Variants in SPEF2 observed in about 807,000 individuals in gnomAD.
The protein encoded by SPEF2 is sperm flagellar and cilia associated 2.
Under a neutral mutation model 224.6 loss-of-function variants are expected in SPEF2, and 187 were observed. The ratio of observed to expected loss-of-function variants is 0.83; its 90% confidence interval spans 0.74 to 0.94. The LOEUF (loss-of-function observed/expected upper bound fraction) is 0.94, where lower values mean the gene tolerates loss of function less well. SPEF2 is among the 40% of genes least tolerant of loss of function. SPEF2 has a pLI of 0.00. For synonymous variants in SPEF2, 715 were observed against 707.3 expected, an observed-to-expected ratio of 1.01 and a Z score of -0.17; for missense variants, 2,170 against 2,135.6, an observed-to-expected ratio of 1.02 and a Z score of -0.32.
At chr5:35,650,584 T>C (rs992417123) in intron 6 of SPEF2, among the ~76,000 whole-genome samples, 6 of 152,308 alleles carry the variant, frequency 3.9e-5, no homozygotes, top group African/African-American at 1.4e-4. Flanking sequence ...CTACTTTCTG[T>C]AGCTCCCTGG....
In SPEF2 at chr5:35,691,231, T is replaced by G; in HGVS notation, c.1719T>G (p.Thr573=). The part of the protein sequence containing the change: ...CLLGKTLSGK[T]TILRSLQKDF... ...TGGGGAAAACATTAAGTGGAAAAAC[T>G]ACCATTTTAAGGTCTCTACAAAAAG... Residue 573 remains threonine (T), a synonymous_variant, in exon 11 of 37, where the codon ACT becomes ACG. Coordinates refer to ENST00000356031, the MANE Select transcript of SPEF2 (RefSeq NM_024867.4). 6.2e-7 allele frequency: 1 copy of G among 1,613,946 alleles called. No individual in the cohort carries two copies. The highest frequency in any genetic ancestry group is 8.5e-7 in the Non-Finnish European group (1 of 1,179,898).
intron 4 of SPEF2, among the ~76,000 whole-genome samples, chr5:35,646,006 A>C (rs1366608929): frequency 6.6e-6 from 1 of 152,128 alleles, no homozygotes; most frequent in Non-Finnish European, 1.5e-5. Context: ...TTCACATATT[A>C]CCTCTTAAAT....
intron 36 of SPEF2, among the ~76,000 whole-genome samples, chr5:35,812,914 A>T (rs757537621): frequency 6.6e-6 from 1 of 152,240 alleles, no homozygotes; most frequent in African/African-American, 2.4e-5. Flanking sequence ...ACAAAATATG[A>T]TAGCTGCTTC....
rs1208035481 is a variant in SPEF2 at position 35,700,549 on chromosome 5, AC to A, written c.2197del (p.Gln733LysfsTer52). The A allele has an allele frequency of 1.2e-6, 2 of 1,613,676 alleles. No homozygotes were observed. Among genetic ancestry groups the A allele is most frequent in the African/African-American group, 2.7e-5 (2 of 74,916 alleles). ...CTAGATGGTTTTCCAATGACTTTAAACCAAGCACAGCTTCTGGAAGAAGCTC... is the reference window on the plus strand; with the variant it reads ...CTAGATGGTTTTCCAATGACTTTAAACAAGCACAGCTTCTGGAAGAAGCTC... ...CILDGFPMTL[N>X]QAQLLEEALT... On this transcript the variant is annotated frameshift_variant, in exon 16 of 37. Coordinates refer to ENST00000356031, the MANE Select transcript of SPEF2 (RefSeq NM_024867.4). LOFTEE classifies it high-confidence loss of function.
At chr5:35,681,141 T>C (rs1033688008) in intron 10 of SPEF2, among the ~76,000 whole-genome samples, 13 of 152,178 alleles carry the variant, frequency 8.5e-5, no homozygotes, top group African/African-American at 3.1e-4. Flanking sequence ...AAGCCTAAAG[T>C]TTTCTTGCAT....
intron 25 of SPEF2, among the ~76,000 whole-genome samples, chr5:35,762,093 A>T (rs1751367832): frequency 6.6e-6 from 1 of 152,204 alleles, no homozygotes; most frequent in Non-Finnish European, 1.5e-5. Context: ...ATTCACAATG[A>T]TAGTAATAAC....
chr5:35,649,221 A>T, intron 5 of SPEF2, 140 bp from the exon 6 acceptor site: 1 of 644,130 alleles, frequency 1.6e-6, no homozygotes, highest in Non-Finnish European at 2.5e-6. Flanking sequence ...TATAAAAAAA[A>T]TTTTTAGAAT....
chr5:35,622,487 T>A (rs749334429), intron 1 of SPEF2, among the ~76,000 whole-genome samples: 110 of 152,362 alleles, frequency 7.2e-4, no homozygotes, highest in Non-Finnish European at 1.1e-3. Context: ...ATTTAATTCT[T>A]CTTTAGCAGA....
In SPEF2 at chr5:35,792,379, A is replaced by G. The variant is rs779957817; in HGVS notation, c.4487A>G (p.Asp1496Gly). 24 of 1,613,726 alleles carry G rather than the reference A, an allele frequency of 1.5e-5. No individual in the cohort carries two copies. The highest frequency in any genetic ancestry group is 2.0e-5 in the Non-Finnish European group (24 of 1,179,832). The change falls in exon 31 of 37, where the codon GAT becomes GGT. Residue 1496 changes from aspartate to glycine, a missense_variant. Physicochemically the swap from Asp to Gly is moderately conservative, Grantham distance 94. Coordinates refer to ENST00000356031, the MANE Select transcript of SPEF2 (RefSeq NM_024867.4). ...GNKAFTDILI[D>G]LVTLNLGTNN... ...AAAGCATTTACTGACATTCTGATCGATTTGGTGACCCTGAACCTTGGCACA... is the reference window on the plus strand; with the variant it reads ...AAAGCATTTACTGACATTCTGATCGGTTTGGTGACCCTGAACCTTGGCACA...
rs749284883 is a variant in SPEF2 at position 35,692,561 on chromosome 5, G to A, written c.1745-9G>A. ...AAAGCTATTTATAAAATTATCTTTT[G>A]TACTTTAGACTTTCCTATACAGATA... On this transcript the variant is annotated splice_polypyrimidine_tract_variant and intron_variant, in intron 11 of 36. Transcript: ENST00000356031. The A allele has an allele frequency of 1.5e-5, 24 of 1,567,626 alleles. No homozygotes were observed. The highest frequency in any genetic ancestry group is 2.1e-5 in the Non-Finnish European group (24 of 1,157,826).
At chr5:35,751,080 C>CGTATATATATACGTATATAT (rs1749529999) in intron 23 of SPEF2, among the ~76,000 whole-genome samples, 5 of 43,734 alleles carry the variant, frequency 1.1e-4, no homozygotes, top group African/African-American at 1.7e-4. Context: ...TATATATATA[C>CGTATATATATACGTATATAT]ACACACACAC....
intron 3 of SPEF2, 51 bp from the exon 4 acceptor site, chr5:35,644,304 A>C: frequency 7.3e-7 from 1 of 1,376,746 alleles, no homozygotes; most frequent in Non-Finnish European, 9.6e-7. Flanking sequence ...TATAATGAAA[A>C]TGTACTCTTT....
intron 34 of SPEF2, among the ~76,000 whole-genome samples, chr5:35,804,748 A>C (rs1757857888): frequency 6.6e-6 from 1 of 152,220 alleles, no homozygotes; most frequent in African/African-American, 2.4e-5. Context: ...TTATGCTTAC[A>C]TCAGGCCTTT....
Position 35,617,936 on chromosome 5 carries a change from G to A in SPEF2, c.-62G>A, listed in dbSNP as rs2112077546. ...CTTGGCTACAGGAGGACGCGGGCTG[G>A]CAGGCTTGGTTCCTGGCGAGTTTCT... On this transcript the variant is annotated 5_prime_UTR_variant, in exon 1 of 37. Coordinates refer to ENST00000356031, the MANE Select transcript of SPEF2 (RefSeq NM_024867.4). 6.6e-7 allele frequency: 1 copy of A among 1,513,726 alleles called. No homozygotes were observed. The highest frequency in any genetic ancestry group is 1.2e-5 in the South Asian group (1 of 83,472). The allele number at this position is 1,513,726 out of a possible 1,614,324, so 93.8% of individuals were successfully genotyped here.
chr5:35,641,183 A>G (rs1364120151), intron 2 of SPEF2, among the ~76,000 whole-genome samples: 1 of 152,142 alleles, frequency 6.6e-6, no homozygotes, highest in Non-Finnish European at 1.5e-5. Flanking sequence ...AAGAAATCCT[A>G]TTGTCAATTT....
rs965359029 is a variant in SPEF2 at position 35,694,450 on chromosome 5, G to A, written c.1975+87G>A. ...ATATGTGAGCACAAACATGCTTTCA[G>A]GGAAATAAACGGGAACCAAGGGGAG... On this transcript the variant is annotated intron_variant, in intron 13 of 36. Transcript: ENST00000356031. 2.0e-5 allele frequency: 25 copies of A among 1,231,892 alleles called. 1 individual carries two copies. The highest frequency in any genetic ancestry group is 2.9e-5 in the Non-Finnish European group (25 of 867,520). 76.3% of individuals were successfully genotyped at this position (1,231,892 alleles called of 1,614,324 possible).
intron 2 of SPEF2, among the ~76,000 whole-genome samples, chr5:35,632,146 A>G (rs1030361209): frequency 2.6e-5 from 4 of 152,154 alleles, no homozygotes; most frequent in Non-Finnish European, 4.4e-5. Flanking sequence ...GGGTATCTTT[A>G]TAGTAGTACC....
intron 34 of SPEF2, among the ~76,000 whole-genome samples, chr5:35,801,512 CA>C (rs113114692): frequency 0.19 from 26,916 of 139,218 alleles, 2,902 homozygotes; most frequent in African/African-American, 0.33. Context: ...GACTCCATCT[CA>C]AAAAAAAAAA....
intron 11 of SPEF2, among the ~76,000 whole-genome samples, chr5:35,692,283 C>A (rs1754625100): frequency 6.6e-6 from 1 of 152,036 alleles, no homozygotes; most frequent in African/African-American, 2.4e-5. Context: ...TGGTGGCATG[C>A]ACCTGTAATC....
Sources: allele counts gnomAD v4.1 joint callset (sites outside exome capture counted in the v4.1 genomes callset), GRCh38; gene constraint gnomAD v4.1.1; transcripts MANE v1.5; gene names NCBI Gene and HGNC (gene_info 2026-07-23, HGNC 2026-07-21).